COL9A3: variants seen among roughly 807,000 people sequenced by gnomAD.
COL9A3 encodes collagen alpha-3(IX) chain.
COL9A3 carries 82 observed loss-of-function variants against 110.2 expected under a neutral mutation model. The observed-to-expected ratio is 0.74, with a 90% confidence interval of 0.62 to 0.89. The LOEUF is 0.89. COL9A3 is among the 40% of genes least tolerant of loss of function. The pLI is 0.00. For synonymous variants in COL9A3, 494 were observed against 403.8 expected (o/e 1.22, Z -2.68); for missense variants, 1,066 against 981.3 (o/e 1.09, Z -1.15).
chr20:62,831,858 G>A (rs1322887013), intron 24 of COL9A3: 3 of 499,906 alleles, frequency 6.0e-6, no homozygotes, highest in East Asian at 3.4e-5. Context: ...CTACTGTGAC[G>A]GAATTATCCT....
intron 1 of COL9A3, 66 bp from the exon 2 acceptor site, chr20:62,817,488 CTCGGGACCCGGGA>C (rs983211968): frequency 5.5e-6 from 6 of 1,083,028 alleles, no homozygotes; most frequent in South Asian, 4.1e-5. Context: ...CCCGGAGCCG[CTCGGGACCCGGGA>C]GGAGGGGACG....
intron 18 of COL9A3, 38 bp downstream of exon 18, chr20:62,828,855 G>T (rs908528807): frequency 1.9e-6 from 3 of 1,612,616 alleles, no homozygotes; most frequent in East Asian, 2.2e-5. Context: ...GAGGGAGGGG[G>T]CTGGAGGGGA....
chr20:62,840,703 G>A lies in COL9A3; in HGVS notation c.2026G>A (p.Gly676Arg), dbSNP rs147009104. 2.1e-5 allele frequency: 34 copies of A among 1,589,348 alleles called. No homozygotes were observed. The highest frequency in any genetic ancestry group is 8.0e-5 in the African/African-American group (6 of 74,598). ...CCAAGGAGCCGTGTTAGGAGGGGTC[G>A]GGGAGAAATCAGGCTCTCGAAGCTC... ...ACQGAVLGGV[G>R]EKSGSRSS The change falls in exon 32 of 32, where the codon GGG (glycine) becomes AGG (arginine). Residue 676 changes from glycine to arginine, a missense_variant. Physicochemically the swap from Gly to Arg is moderately radical, Grantham distance 125 (BLOSUM62 -2). Coordinates refer to ENST00000649368, the MANE Select transcript of COL9A3 (RefSeq NM_001853.4).
At position 62,818,114 on chromosome 20, in the gene COL9A3, C is replaced by G. The variant is rs1403575099; in HGVS notation, c.148-404C>G. ...GCAGGAGGAGGCGGCTGAAATTCTA[C>G]AATTGTGCCTCCCTCGGAGGGACCG... On this transcript the variant is annotated intron_variant, in intron 2 of 31. Transcript: ENST00000649368. 2.0e-5 allele frequency among the ~76,000 whole-genome samples: 3 copies of G among 152,270 alleles called. No homozygotes were observed. The South Asian group carries it at 6.2e-4, about 32-fold the overall frequency.
At chr20:62,820,462 T>G (rs1307169726) in intron 5 of COL9A3, among the ~76,000 whole-genome samples, 1 of 152,204 alleles carries the variant, frequency 6.6e-6, no homozygotes, top group African/African-American at 2.4e-5. Context: ...CTCTTTGGCT[T>G]CATAAGACGT....
chr20:62,819,095 C>A, intron 3 of COL9A3, 127 bp from the exon 4 acceptor site: 1 of 948,456 alleles, frequency 1.1e-6, no homozygotes, highest in Non-Finnish European at 1.7e-6. Flanking sequence ...GTAGGGGGGA[C>A]CCAGGAGAGG....
intron 2 of COL9A3, chr20:62,817,853 A>G: frequency 1.5e-6 from 1 of 672,720 alleles, no homozygotes. Flanking sequence ...TCCTCCACCC[A>G]GAATGCCGGC....
At chr20:62,828,551 C>T (rs975701457) in intron 17 of COL9A3, among the ~76,000 whole-genome samples, 3 of 152,274 alleles carry the variant, frequency 2.0e-5, no homozygotes, top group Non-Finnish European at 2.9e-5. Flanking sequence ...TCAGCACCGC[C>T]TCTGCCACCC....
Position 62,818,537 on chromosome 20 carries a change from G to C in COL9A3, c.167G>C (p.Gly56Ala), listed in dbSNP as rs758518434. 4 of 1,613,100 alleles carry C rather than the reference G, an allele frequency of 2.5e-6. No individual in the cohort carries two copies. In the East Asian group the frequency reaches 8.9e-5, roughly 36 times the overall value. ...TCACAGGGAGAAGCTGGTCCTCCAGGTCTGCCTGGGCCCCCGGTGAGTGTC... is the reference window on the plus strand; with the variant it reads ...TCACAGGGAGAAGCTGGTCCTCCAGCTCTGCCTGGGCCCCCGGTGAGTGTC... ...DGIDGEAGPP[G>A]LPGPPGPKGA... Residue 56 changes from glycine (G) to alanine (A), a missense_variant, in exon 3 of 32, where the codon GGT (glycine) becomes GCT (alanine). Gly to Ala is a moderately conservative substitution (Grantham distance 60). Transcript: ENST00000649368.
At position 62,825,616 on chromosome 20, in the gene COL9A3, G is replaced by A. The variant is rs557964751; in HGVS notation, c.631-201G>A. On this transcript the variant is annotated intron_variant, in intron 12 of 31. Coordinates refer to ENST00000649368, the MANE Select transcript of COL9A3 (RefSeq NM_001853.4). The stretch of plus-strand genomic sequence containing the variant: ...GTGGGAACAGTGACCACGGACCCCG[G>A]CCCGGCAGGGCGAGGCCACCGAGAC... The A allele has an allele frequency of 3.5e-4, 224 of 636,310 alleles. 2 individuals carry two copies. In the African/African-American group the frequency reaches 3.9e-3, roughly 11 times the overall value. 39.4% of individuals were successfully genotyped at this position (636,310 alleles called of 1,614,324 possible).
At chr20:62,825,537 A>G in intron 12 of COL9A3, 2 of 561,262 alleles carry the variant, frequency 3.6e-6, no homozygotes, top group South Asian at 4.1e-5. Flanking sequence ...GGTGCACATC[A>G]GAGGGGTCCC....
chr20:62,817,510 C>G, intron 1 of COL9A3, 57 bp from the exon 2 acceptor site: 1 of 1,266,940 alleles, frequency 7.9e-7, no homozygotes, highest in Non-Finnish European at 1.1e-6. Flanking sequence ...GAGGAGGGGA[C>G]GCCGGGTCAG....
chr20:62,827,070 C>G (rs984630529), intron 15 of COL9A3, among the ~76,000 whole-genome samples, 171 bp from the exon 16 acceptor site: 1 of 152,168 alleles, frequency 6.6e-6, no homozygotes, highest in Admixed American at 6.5e-5. Flanking sequence ...TCTGGCACCT[C>G]CAGCCATCTC....
rs1388339476 is a variant in COL9A3 at position 62,840,043 on chromosome 20, GCACCATGCCCGCACCATGCCCA to G, written c.1865-481_1865-460del. 7.6e-4 allele frequency among the ~76,000 whole-genome samples: 116 copies of G among 151,962 alleles called. 2 individuals are homozygous for G. Among genetic ancestry groups the G allele is most frequent in the East Asian group, 4.6e-3 (24 of 5,168 alleles). On this transcript the variant is annotated intron_variant, in intron 31 of 31. Transcript: ENST00000649368. ...GCTGGTGGACAGCAGCCTCCCGGCC[GCACCATGCCCGCACCATGCCCA>G]CACCATGCCCGCACCATTCTGGACT...
chr20:62,831,589 C>T (rs187938861), intron 24 of COL9A3: 172 of 174,528 alleles, frequency 9.9e-4, no homozygotes, highest in African/African-American at 3.5e-3. Flanking sequence ...TCAGGGCCTC[C>T]GAGAGATGGC....
rs745836617 is a variant in COL9A3 at position 62,840,781 on chromosome 20, C to A, written c.*49C>A. 1.9e-6 allele frequency: 3 copies of A among 1,546,102 alleles called. No homozygotes were observed. The highest frequency in any genetic ancestry group is 2.4e-5 in the South Asian group (2 of 83,900). On this transcript the variant is annotated 3_prime_UTR_variant, in exon 32 of 32. Coordinates refer to ENST00000649368, the MANE Select transcript of COL9A3 (RefSeq NM_001853.4). ...ACAAGGACGCCCGAAGCACAGTGGA[C>A]GGTCATGAAGGAGCGGGGGTGTGGC... is the stretch of plus-strand genomic sequence containing the variant.
chr20:62,816,678 C>G (rs1254988044), upstream of COL9A3, among the ~76,000 whole-genome samples: 4 of 152,212 alleles, frequency 2.6e-5, no homozygotes, highest in Non-Finnish European at 5.9e-5. Flanking sequence ...GCTTCGGAAA[C>G]TCGCGGGTCT....
At position 62,840,723 on chromosome 20, in the gene COL9A3, A is replaced by C. The variant is rs762043523; in HGVS notation, c.2046A>C (p.Arg682=). 11 of 1,568,554 alleles carry C rather than the reference A, an allele frequency of 7.0e-6. No individual in the cohort carries two copies. The East Asian group carries it at 7.0e-5, about 10-fold the overall frequency. ...LGGVGEKSGS[R]SS Reference sequence around the variant, plus strand: ...GGGTCGGGGAGAAATCAGGCTCTCGAAGCTCATAAAATTCAACGTGAGGAA... The same window carrying C: ...GGGTCGGGGAGAAATCAGGCTCTCGCAGCTCATAAAATTCAACGTGAGGAA... Residue 682 remains arginine (R), a synonymous_variant, in exon 32 of 32, where the codon CGA becomes CGC. Transcript: ENST00000649368.
chr20:62,822,569 C>T, intron 9 of COL9A3, 22 bp from the exon 10 acceptor site: 2 of 1,611,838 alleles, frequency 1.2e-6, no homozygotes, highest in Non-Finnish European at 1.7e-6. Flanking sequence ...GGGAGAATGT[C>T]AGCTGTCTCT....
Sources: gnomAD v4.1 joint callset for allele counts (sites outside exome capture counted in the v4.1 genomes callset) on GRCh38, gnomAD v4.1.1 for gene constraint, MANE v1.5 for transcripts, NCBI Gene and HGNC (gene_info 2026-07-23, HGNC 2026-07-21) for gene names.